The following C1orf226 variants were observed in gnomAD, a reference collection of about 807,000 sequenced individuals.
C1orf226 encodes the protein chromosome 1 open reading frame 226.
In C1orf226, 4 loss-of-function variants were observed where a neutral mutation model predicts 10.5. The ratio of observed to expected loss-of-function variants is 0.38; its 90% CI spans 0.19 to 0.87. The LOEUF (loss-of-function observed/expected upper bound fraction) is 0.87, where lower values mean the gene tolerates loss of function less well. Among genes scored for constraint, C1orf226 ranks in the 40% least tolerant of loss-of-function variants. C1orf226 has a pLI of 0.41. For missense variants in C1orf226, 313 were observed against 336.2 expected (o/e 0.93, Z 0.54); for synonymous variants, 125 against 139.3 (o/e 0.90, Z 0.72).
Position 162,385,435 on chromosome 1 carries a change from C to T in C1orf226, c.*1752C>T, listed in dbSNP as rs895548905. On this transcript the variant is annotated 3_prime_UTR_variant, in exon 2 of 2. Coordinates refer to ENST00000458626, the MANE Select transcript of C1orf226 (RefSeq NM_001085375.2). The stretch of plus-strand genomic sequence containing the variant: ...TCCCACCACTTTCCCTTCTACCTTG[C>T]CTTCCATTGTCTTCCTTCTCCCAGA... 2.0e-5 allele frequency: 3 copies of T among 152,396 alleles called. No individual in the cohort carries two copies. Among genetic ancestry groups the T allele is most frequent in the Non-Finnish European group, 4.4e-5 (3 of 68,142 alleles). 9.4% of individuals were successfully genotyped at this position (152,396 alleles called of 1,614,324 possible).
upstream of C1orf226, among the ~76,000 whole-genome samples, chr1:162,381,503 C>G (rs1037662293): frequency 1.3e-5 from 2 of 152,188 alleles, no homozygotes; most frequent in African/African-American, 4.8e-5. Flanking sequence ...ACTGAGAGCT[C>G]AGCACGTGCT....
chr1:162,383,151 G>A (rs11806859), intron 1 of C1orf226, 31 bp from the exon 2 acceptor site: 415,295 of 1,524,234 alleles, frequency 0.27, 58,896 homozygotes, highest in South Asian at 0.34. Flanking sequence ...TGTCCTTAAG[G>A]CATGTGTGTT....
intron 1 of C1orf226, 125 bp from the exon 2 acceptor site, chr1:162,383,057 G>C: frequency 1.1e-6 from 1 of 892,604 alleles, no homozygotes; most frequent in South Asian, 1.7e-5. Flanking sequence ...CAGAGCCCAA[G>C]GAGTAGAGCA....
chr1:162,383,174 C>A lies in C1orf226; in HGVS notation c.318-8C>A. On this transcript the variant is annotated splice_region_variant and splice_polypyrimidine_tract_variant and intron_variant, in intron 1 of 1. Transcript: ENST00000458626. ...AGGCATGTGTGTTTATTGTCATTAA[C>A]CTTACAGGTCAGTCCTGCAAGAAAC... is the stretch of plus-strand genomic sequence containing the variant. The A allele has an allele frequency of 6.4e-7, 1 of 1,554,954 alleles. No individual in the cohort carries two copies. The highest frequency in any genetic ancestry group is 8.7e-7 in the Non-Finnish European group (1 of 1,151,418).
chr1:162,379,843 G>T (rs547673325), upstream of C1orf226, among the ~76,000 whole-genome samples: 1 of 152,166 alleles, frequency 6.6e-6, no homozygotes, highest in Non-Finnish European at 1.5e-5. Context: ...TTTTAAAAAC[G>T]AGTATGTCTG....
chr1:162,383,511 C>T lies in C1orf226; in HGVS notation c.647C>T (p.Thr216Ile). The change falls in exon 2 of 2, where the codon ACT (threonine) becomes ATT (isoleucine). Residue 216 changes from threonine to isoleucine, a missense_variant. Physicochemically the swap from Thr to Ile is moderately conservative, Grantham distance 89. Transcript: ENST00000458626. ...DSQDESKLKM[T>I]ECRRASSPSL... ...CAGGACGAATCCAAGCTAAAGATGA[C>T]TGAGTGCAGAAGGGCCTCCTCCCCC... is the stretch of plus-strand genomic sequence containing the variant. 1 of 1,604,916 alleles carries T rather than the reference C, an allele frequency of 6.2e-7. No individual in the cohort carries two copies. The highest frequency in any genetic ancestry group is 8.5e-7 in the Non-Finnish European group (1 of 1,175,280).
upstream of C1orf226, among the ~76,000 whole-genome samples, chr1:162,381,010 A>G (rs1249033427): frequency 6.6e-6 from 1 of 152,214 alleles, no homozygotes; most frequent in Non-Finnish European, 1.5e-5. Flanking sequence ...TCCCTACAAG[A>G]AGGACCATGT....
Position 162,385,708 on chromosome 1 carries a change from G to C in C1orf226, c.*2025G>C, listed in dbSNP as rs1330403267. 6.6e-6 allele frequency: 1 copy of C among 152,180 alleles called. No individual in the cohort carries two copies. Among genetic ancestry groups the C allele is most frequent in the East Asian group, 1.9e-4 (1 of 5,194 alleles). 9.4% of individuals were successfully genotyped at this position (152,180 alleles called of 1,614,324 possible). A position where few individuals can be genotyped will look rare whatever the true frequency, so the allele number is the denominator to read the frequency against. ...AACACCAGAGCTGAGGATAGGGATAGAGTCCCCAAACACACATCCTGGGAG... is the reference window on the plus strand; with the variant it reads ...AACACCAGAGCTGAGGATAGGGATACAGTCCCCAAACACACATCCTGGGAG... On this transcript the variant is annotated 3_prime_UTR_variant, in exon 2 of 2. Coordinates refer to ENST00000458626, the MANE Select transcript of C1orf226 (RefSeq NM_001085375.2).
chr1:162,381,665 G>T (rs1984871), upstream of C1orf226: 133,618 of 1,372,652 alleles, frequency 0.097, 7,940 homozygotes, highest in East Asian at 0.31. Flanking sequence ...GCTAGCATTA[G>T]TCACTGATTA....
rs1252419120 is a variant in C1orf226 at position 162,383,492 on chromosome 1, G to A, written c.628G>A (p.Glu210Lys). ...PDLIHKDSQD[E>K]SKLKMTECRR... ...CCTAATCCACAAGGATAGCCAGGACGAATCCAAGCTAAAGATGACTGAGTG... is the reference window on the plus strand; with the variant it reads ...CCTAATCCACAAGGATAGCCAGGACAAATCCAAGCTAAAGATGACTGAGTG... Residue 210 changes from glutamate (E) to lysine (K), a missense_variant, in exon 2 of 2, where the codon GAA (glutamate) becomes AAA (lysine). Glu to Lys is a moderately conservative substitution (Grantham distance 56, BLOSUM62 1). Transcript: ENST00000458626. 5 of 1,602,204 alleles carry A rather than the reference G, an allele frequency of 3.1e-6. No homozygotes were observed. The highest frequency in any genetic ancestry group is 4.3e-6 in the Non-Finnish European group (5 of 1,173,910).
intron 1 of C1orf226, among the ~76,000 whole-genome samples, chr1:162,382,524 A>C (rs2101847304): frequency 7.9e-6 from 1 of 126,926 alleles, no homozygotes; most frequent in South Asian, 2.8e-4. Flanking sequence ...TAACCCTCCC[A>C]GCAGCCCTGG....
chr1:162,382,029 T>C lies in C1orf226; in HGVS notation c.128T>C (p.Leu43Pro). 1.2e-6 allele frequency: 2 copies of C among 1,611,778 alleles called. No homozygotes were observed. The highest frequency in any genetic ancestry group is 1.7e-6 in the Non-Finnish European group (2 of 1,179,296). Residue 43 changes from leucine to proline, a missense_variant, in exon 1 of 2, where the codon CTC becomes CCC. Coordinates refer to ENST00000458626, the MANE Select transcript of C1orf226 (RefSeq NM_001085375.2). ...LGSGEPGGPGLWVGSSQHLKN... is the reference protein window; with the variant it reads ...LGSGEPGGPGPWVGSSQHLKN... ...TCTGGTGAGCCTGGGGGGCCAGGAC[T>C]CTGGGTGGGCAGCAGCCAGCACCTC...
chr1:162,383,383 C>T lies in C1orf226; in HGVS notation c.519C>T (p.Asp173=), dbSNP rs201405103. 21 of 1,595,970 alleles carry T rather than the reference C, an allele frequency of 1.3e-5. No homozygotes were observed. Among genetic ancestry groups the T allele is most frequent in the South Asian group, 4.5e-5 (4 of 88,754 alleles). The change falls in exon 2 of 2, where the codon GAC becomes GAT. Residue 173 remains aspartate, a synonymous_variant. Transcript: ENST00000458626. ...APTAQPDVPA[D]ASQPEATMER... ...CTGCCCAGCCTGACGTCCCAGCAGA[C>T]GCTTCACAGCCAGAGGCCACCATGG...
upstream of C1orf226, among the ~76,000 whole-genome samples, chr1:162,380,299 G>C (rs1056320405): frequency 3.3e-5 from 5 of 152,234 alleles, no homozygotes; most frequent in Admixed American, 3.3e-4. Context: ...CATCCGCAGA[G>C]AGTAGTCTCC....
Position 162,383,410 on chromosome 1 carries a change from A to G in C1orf226, c.546A>G (p.Glu182=), listed in dbSNP as rs1647988916. ...ADASQPEATM[E]REERGKVLPN... ...CTTCACAGCCAGAGGCCACCATGGA[A>G]AGAGAAGAGAGAGGCAAAGTTCTGC... Residue 182 remains glutamate, a synonymous_variant, in exon 2 of 2, where the codon GAA becomes GAG. Transcript: ENST00000458626. 4 of 1,590,988 alleles carry G rather than the reference A, an allele frequency of 2.5e-6. No individual in the cohort carries two copies. Among genetic ancestry groups the G allele is most frequent in the Non-Finnish European group, 3.4e-6 (4 of 1,168,514 alleles).
At position 162,383,784 on chromosome 1, in the gene C1orf226, C is replaced by T; in HGVS notation, c.*101C>T. 8.0e-7 allele frequency: 1 copy of T among 1,251,588 alleles called. No individual in the cohort carries two copies. Among genetic ancestry groups the T allele is most frequent in the Non-Finnish European group, 1.1e-6 (1 of 928,634 alleles). The allele number at this position is 1,251,588 out of a possible 1,614,324, so 77.5% of individuals were successfully genotyped here. On this transcript the variant is annotated 3_prime_UTR_variant, in exon 2 of 2. Transcript: ENST00000458626. ...GCCTCAACTCCGCTGTGCCCTTTGT[C>T]TTCCTTGTATGAGGCACCAGCAGAG...
At position 162,385,990 on chromosome 1, in the gene C1orf226, C is replaced by T. The variant is rs961310757; in HGVS notation, c.*2307C>T. 6.6e-6 allele frequency: 1 copy of T among 152,584 alleles called. No individual in the cohort carries two copies. The highest frequency in any genetic ancestry group is 1.5e-5 in the Non-Finnish European group (1 of 68,390). The allele number at this position is 152,584 out of a possible 1,614,324, so 9.5% of individuals were successfully genotyped here. A position where few individuals can be genotyped will look rare whatever the true frequency, so the allele number is the denominator to read the frequency against. ...AGCAAAAGGATCCCACCAGGTTGTCCAGGACCATTGCCAGGGTGACCCCAG... is the reference window on the plus strand; with the variant it reads ...AGCAAAAGGATCCCACCAGGTTGTCTAGGACCATTGCCAGGGTGACCCCAG... On this transcript the variant is annotated 3_prime_UTR_variant, in exon 2 of 2. Coordinates refer to ENST00000458626, the MANE Select transcript of C1orf226 (RefSeq NM_001085375.2).
rs1648116132 is a variant in C1orf226, at chr1:162,386,643, G to C, written c.*2960G>C. On this transcript the variant is annotated 3_prime_UTR_variant, in exon 2 of 2. Coordinates refer to ENST00000458626, the MANE Select transcript of C1orf226 (RefSeq NM_001085375.2). ...TGTTGTGTATGTGGCTGATATGGAA[G>C]ACATACATGTATGCAATCCATCAGC... is the stretch of plus-strand genomic sequence containing the variant. 1 of 152,252 alleles carries C rather than the reference G, an allele frequency of 6.6e-6. No homozygotes were observed. Among genetic ancestry groups the C allele is most frequent in the Non-Finnish European group, 1.5e-5 (1 of 68,068 alleles). 9.4% of individuals were successfully genotyped at this position (152,252 alleles called of 1,614,324 possible).
Position 162,381,796 on chromosome 1 carries a change from G to A in C1orf226, c.-106G>A, listed in dbSNP as rs901662. ...TATTTCCAAAGCCTTGGAAGTTACA[G>A]GTTTTGGGTGTGGGATAAGGAAAAA... On this transcript the variant is annotated 5_prime_UTR_variant, in exon 1 of 2. Coordinates refer to ENST00000458626, the MANE Select transcript of C1orf226 (RefSeq NM_001085375.2). 332,945 of 1,519,590 alleles carry A rather than the reference G, an allele frequency of 0.22. 37,177 individuals carry two copies. Among genetic ancestry groups the A allele is most frequent in the South Asian group, 0.29 (21,905 of 76,082 alleles). The allele number at this position is 1,519,590 out of a possible 1,614,324, so 94.1% of individuals were successfully genotyped here.
Sources: gnomAD v4.1 joint callset for allele counts (sites outside exome capture counted in the v4.1 genomes callset) on GRCh38, gnomAD v4.1.1 for gene constraint, MANE v1.5 for transcripts, NCBI Gene and HGNC (gene_info 2026-07-23, HGNC 2026-07-21) for gene names.